SUPT6H: variants seen among roughly 807,000 people sequenced by gnomAD.
The protein encoded by SUPT6H is SPT6 homolog, histone chaperone and transcription elongation factor.
In SUPT6H, 11 loss-of-function variants were observed where a neutral mutation model predicts 222.3. The observed-to-expected ratio is 0.05, with a 90% CI of 0.03 to 0.08. The LOEUF (loss-of-function observed/expected upper bound fraction) is 0.08, where lower values mean the gene tolerates loss of function less well. SUPT6H is among the 10% of genes least tolerant of loss of function. The pLI, the probability that SUPT6H is intolerant of heterozygous loss-of-function variation, is 1.00. For synonymous variants in SUPT6H, 762 were observed against 801.2 expected (o/e 0.95, Z 0.83); for missense variants, 1,422 against 2,216.0 (o/e 0.64, Z 7.19).
rs1187143000 is a variant in SUPT6H, at chr17:28,699,787, A to T, written c.4455A>T (p.Glu1485Asp). 1.2e-6 allele frequency: 2 copies of T among 1,614,054 alleles called. No individual in the cohort carries two copies. The highest frequency in any genetic ancestry group is 2.2e-5 in the South Asian group (2 of 91,080). Residue 1485 changes from glutamate (E) to aspartate (D), a missense_variant, in exon 33 of 37, where the codon GAA becomes GAT. By Grantham distance (45) the Glu-to-Asp change is conservative (BLOSUM62 2). Around this residue, in one of 13 missense-constraint regions of SUPT6H, gnomAD observed 395 missense variants for 580.6 expected, o/e 0.68. Transcript: ENST00000314616. ...TTTCCTTCTAAAATCCTAGGATAGA[A>T]TATGTAACGGTGACTCCAGAGGGAT... The part of the protein sequence containing the change: ...GYQPRGKPRI[E>D]YVTVTPEGFR...
chr17:28,690,876 C>G, intron 26 of SUPT6H, 45 bp from the exon 27 acceptor site: 3 of 1,596,778 alleles, frequency 1.9e-6, no homozygotes, highest in Non-Finnish European at 2.6e-6. Context: ...GAAGTGCTCT[C>G]CACATTCTCT....
chr17:28,695,322 C>A lies in SUPT6H; in HGVS notation c.3775-30C>A. 1.2e-6 allele frequency: 2 copies of A among 1,601,404 alleles called. 1 individual carries two copies. On this transcript the variant is annotated intron_variant, in intron 28 of 36. Transcript: ENST00000314616. ...GGCATCGGGCTAGATCATCTTTGTC[C>A]CTTCCAGCTCAAATGTTCTGTGGAT...
At chr17:28,674,917 A>G in intron 4 of SUPT6H, 53 bp from the exon 5 acceptor site, 3 of 1,572,688 alleles carry the variant, frequency 1.9e-6, no homozygotes, top group Admixed American at 1.8e-5. Context: ...GAGATTTGGT[A>G]TCCGTATGCC....
At chr17:28,676,843 C>G (rs543297404) in intron 7 of SUPT6H, among the ~76,000 whole-genome samples, 74 of 152,014 alleles carry the variant, frequency 4.9e-4, no homozygotes, top group Non-Finnish European at 9.0e-4. Context: ...GGGAAGATTG[C>G]TTGAACTTGG....
chr17:28,666,614 T>C (rs915034352), intron 1 of SUPT6H, among the ~76,000 whole-genome samples: 1 of 151,610 alleles, frequency 6.6e-6, no homozygotes, highest in Non-Finnish European at 1.5e-5. Context: ...TGCAATGGCA[T>C]GATCTCGACT....
At chr17:28,684,754 C>T (rs756434406) in intron 18 of SUPT6H, 29 bp downstream of exon 18, 14 of 1,613,518 alleles carry the variant, frequency 8.7e-6, no homozygotes, top group Non-Finnish European at 1.0e-5. Context: ...CTCCCCAGCA[C>T]CATCTCTTGT....
chr17:28,679,161 C>G (rs1451931554), intron 11 of SUPT6H, among the ~76,000 whole-genome samples, 198 bp downstream of exon 11: 1 of 152,160 alleles, frequency 6.6e-6, no homozygotes, highest in Admixed American at 6.6e-5. Context: ...CACTTGAGGT[C>G]AGGAGTTCAA....
intron 15 of SUPT6H, 73 bp from the exon 16 acceptor site, chr17:28,683,195 G>A: frequency 1.9e-6 from 3 of 1,580,070 alleles, no homozygotes; most frequent in Non-Finnish European, 2.6e-6. Flanking sequence ...TCTGAAAGCA[G>A]AAAGGCTGTC....
chr17:28,693,021 T>C (rs2031743305), intron 27 of SUPT6H, among the ~76,000 whole-genome samples: 2 of 147,378 alleles, frequency 1.4e-5, no homozygotes, highest in African/African-American at 5.0e-5. Context: ...AAAAAAAAGA[T>C]TACCCAGACT....
chr17:28,691,024 C>T lies in SUPT6H; in HGVS notation c.3594C>T (p.Cys1198=). The change falls in exon 27 of 37, where the codon TGC becomes TGT. Residue 1198 remains cysteine, a synonymous_variant. Coordinates refer to ENST00000314616, the MANE Select transcript of SUPT6H (RefSeq NM_003170.5). ...IRNDETGLWQ[C]PFCQQDNFPE... ...ATGATGAGACAGGGCTGTGGCAGTG[C>T]CCCTTCTGTCAGCAGGACAATTTCC... is the stretch of plus-strand genomic sequence containing the variant. 6.2e-7 allele frequency: 1 copy of T among 1,614,060 alleles called. No individual in the cohort carries two copies. Among genetic ancestry groups the T allele is most frequent in the Non-Finnish European group, 8.5e-7 (1 of 1,180,018 alleles).
intron 11 of SUPT6H, 106 bp downstream of exon 11, chr17:28,679,069 C>A: frequency 7.0e-7 from 1 of 1,433,448 alleles, no homozygotes; most frequent in Non-Finnish European, 9.4e-7. Context: ...AGGGCCCCAT[C>A]CCTTAGAAAT....
rs779162703 is a variant in SUPT6H at position 28,678,931 on chromosome 17, C to T, written c.1317C>T (p.Gly439=). 1 of 1,614,220 alleles carries T rather than the reference C, an allele frequency of 6.2e-7. No individual in the cohort carries two copies. Among genetic ancestry groups the T allele is most frequent in the South Asian group, 1.1e-5 (1 of 91,076 alleles). ...ACCCTGACAAACCTCTTGCTGATGG[C>T]ATCCGGGCTCTGGACACCACTGACA... is the stretch of plus-strand genomic sequence containing the variant. ...SADPDKPLAD[G]IRALDTTDME... is the part of the protein sequence containing the mutation. The change falls in exon 11 of 37, where the codon GGC becomes GGT. Residue 439 remains glycine (G), a synonymous_variant. Coordinates refer to ENST00000314616, the MANE Select transcript of SUPT6H (RefSeq NM_003170.5).
At chr17:28,682,036 C>G (rs572931141) in intron 13 of SUPT6H, 56 bp downstream of exon 13, 1 of 1,453,250 alleles carries the variant, frequency 6.9e-7, no homozygotes, top group Non-Finnish European at 9.4e-7. Context: ...GGGGAGTTAC[C>G]CAGAAAAAAG....
intron 17 of SUPT6H, 43 bp from the exon 18 acceptor site, chr17:28,684,540 CATA>C: frequency 3.1e-6 from 5 of 1,607,708 alleles, no homozygotes; most frequent in Non-Finnish European, 4.3e-6. Context: ...GCCTGATGAC[CATA>C]ATGTCATCAT....
chr17:28,689,658 C>A, intron 25 of SUPT6H, 97 bp downstream of exon 25: 2 of 1,166,282 alleles, frequency 1.7e-6, no homozygotes, highest in Non-Finnish European at 2.5e-6. Flanking sequence ...AAGCCTGATA[C>A]TGTTAGTATG....
At chr17:28,691,368 A>G (rs1217817845) in intron 27 of SUPT6H, 1 of 283,780 alleles carries the variant, frequency 3.5e-6, no homozygotes, top group African/African-American at 2.1e-5. Flanking sequence ...TCTACTAAAA[A>G]TACAAAAATT....
intron 1 of SUPT6H, chr17:28,671,119 G>A (rs2030389240): frequency 6.6e-6 from 1 of 152,130 alleles, no homozygotes; most frequent in Admixed American, 6.6e-5. Flanking sequence ...GCAATTTTGA[G>A]GAGAATTAGA....
rs2030850813 is a variant in SUPT6H, at chr17:28,677,815, A to G, written c.998A>G (p.Gln333Arg). 4 of 1,613,592 alleles carry G rather than the reference A, an allele frequency of 2.5e-6. No homozygotes were observed. The highest frequency in any genetic ancestry group is 1.3e-5 in the African/African-American group (1 of 74,918). ...NAFATPTISL[Q>R]ESCDYLDRGQ... ...TTTGCCACACCAACCATTTCTCTCC[A>G]GGTACACAAAAAAGATCCTTAGGTT... The change falls in exon 8 of 37, where the codon CAG becomes CGG. Residue 333 changes from glutamine (Q) to arginine (R), a missense_variant and splice_region_variant. Physicochemically the swap from Gln to Arg is conservative, Grantham distance 43. Coordinates refer to ENST00000314616, the MANE Select transcript of SUPT6H (RefSeq NM_003170.5).
intron 2 of SUPT6H, 64 bp downstream of exon 2, chr17:28,673,574 G>A (rs2030560351): frequency 7.8e-7 from 1 of 1,279,128 alleles, no homozygotes; most frequent in African/African-American, 1.5e-5. Context: ...TTGGATTCTT[G>A]CTGATGAAAA....
Sources: allele counts gnomAD v4.1 joint callset (sites outside exome capture counted in the v4.1 genomes callset), GRCh38; gene constraint gnomAD v4.1.1; regional missense constraint gnomAD v4.1.1; transcripts MANE v1.5; gene names NCBI Gene and HGNC (gene_info 2026-07-23, HGNC 2026-07-21).